The following TUBD1 variants were observed in gnomAD, a reference collection of about 807,000 sequenced individuals.
TUBD1 encodes tubulin delta chain.
TUBD1 carries 38 observed loss-of-function variants against 51.2 expected under a neutral mutation model. That is an observed-to-expected ratio of 0.74 (90% CI 0.57 to 0.97). The LOEUF (loss-of-function observed/expected upper bound fraction) is 0.97. Ranked by LOEUF, TUBD1 falls within the 50% of genes least tolerant of loss-of-function variation. TUBD1 has a pLI of 0.00. For synonymous variants in TUBD1, 169 were observed against 178.2 expected (o/e 0.95, Z 0.41); for missense variants, 489 against 538.4 (o/e 0.91, Z 0.91).
At chr17:59,876,625 G>A (rs1273729141) in intron 5 of TUBD1, among the ~76,000 whole-genome samples, 1 of 151,966 alleles carries the variant, frequency 6.6e-6, no homozygotes, top group African/African-American at 2.4e-5. Context: ...CCAAAGTGCT[G>A]GGATTACAGG....
intron 6 of TUBD1, among the ~76,000 whole-genome samples, chr17:59,869,230 C>A (rs1465238647): frequency 6.6e-6 from 1 of 151,678 alleles, no homozygotes; most frequent in African/African-American, 2.4e-5. Context: ...AATCCCAGAA[C>A]TTTGGGAGGC....
At chr17:59,885,210 C>G (rs983066582) in intron 3 of TUBD1, 1 of 454,728 alleles carries the variant, frequency 2.2e-6, no homozygotes, top group Middle Eastern at 3.5e-4. Context: ...CGAGCCTTAC[C>G]CGGATGATGA....
intron 5 of TUBD1, among the ~76,000 whole-genome samples, chr17:59,877,067 C>T (rs534903196): frequency 6.6e-6 from 1 of 151,762 alleles, no homozygotes; most frequent in South Asian, 2.1e-4. Flanking sequence ...ACCGTATTGG[C>T]CAGGCTGGTC....
chr17:59,888,139 G>A (rs1176755902), intron 2 of TUBD1, among the ~76,000 whole-genome samples: 1 of 152,068 alleles, frequency 6.6e-6, no homozygotes, highest in Non-Finnish European at 1.5e-5. Flanking sequence ...ATTTTACTGT[G>A]TTAGCCAGGA....
intron 7 of TUBD1, among the ~76,000 whole-genome samples, chr17:59,864,974 A>G (rs1203452653): frequency 6.6e-6 from 1 of 151,904 alleles, no homozygotes; most frequent in African/African-American, 2.4e-5. Flanking sequence ...CTCCTGCTTC[A>G]GTCTCCCTAG....
At position 59,867,935 on chromosome 17, in the gene TUBD1, T is replaced by C. The variant is rs2039782827; in HGVS notation, c.935-1186A>G. ...AGGGCTGACCTTAACCAAAAGGATGTTGCAGAAATAACATCACAAAAGGTC... is the reference window on the plus strand; with the variant it reads ...AGGGCTGACCTTAACCAAAAGGATGCTGCAGAAATAACATCACAAAAGGTC... On this transcript the variant is annotated intron_variant, in intron 6 of 8. Transcript: ENST00000325752. Among the ~76,000 whole-genome samples the C allele has an allele frequency of 2.0e-5, 3 of 151,656 alleles. No homozygotes were observed. The Admixed American group carries it at 2.0e-4, about 10-fold the overall frequency.
intron 2 of TUBD1, among the ~76,000 whole-genome samples, chr17:59,889,010 CTTTTTTTTTTTT>C (rs756097623): frequency 3.6e-5 from 2 of 55,778 alleles, no homozygotes; most frequent in Admixed American, 2.8e-4. Context: ...CCATGCCTGG[CTTTTTTTTTTTT>C]TTTTTTTTTT....
At chr17:59,882,002 T>C (rs1223710629) in intron 3 of TUBD1, among the ~76,000 whole-genome samples, 1 of 152,152 alleles carries the variant, frequency 6.6e-6, no homozygotes, top group Non-Finnish European at 1.5e-5. Flanking sequence ...AATAAATTAT[T>C]GTTAACTATA....
At chr17:59,883,658 T>C (rs984794890) in intron 3 of TUBD1, among the ~76,000 whole-genome samples, 7 of 152,128 alleles carry the variant, frequency 4.6e-5, no homozygotes, top group Admixed American at 1.3e-4. Context: ...CACCTTGGCC[T>C]CCCAAAGTGT....
intron 4 of TUBD1, 112 bp from the exon 5 acceptor site, chr17:59,878,446 C>T (rs1384007643): frequency 4.2e-6 from 3 of 711,774 alleles, no homozygotes; most frequent in Admixed American, 2.8e-5. Context: ...ACTTTCTAGC[C>T]GTATGACCTT....
intron 2 of TUBD1, among the ~76,000 whole-genome samples, chr17:59,887,916 A>G (rs2144575508): frequency 6.7e-6 from 1 of 149,638 alleles, no homozygotes; most frequent in Non-Finnish European, 1.5e-5. Context: ...ACAGTGAGAC[A>G]CTGTGCCCAG....
chr17:59,877,525 TAATC>T (rs753924643), intron 5 of TUBD1, among the ~76,000 whole-genome samples: 2 of 152,180 alleles, frequency 1.3e-5, no homozygotes, highest in Non-Finnish European at 2.9e-5. Flanking sequence ...CTCACGCCTG[TAATC>T]CCAACACTTT....
intron 4 of TUBD1, among the ~76,000 whole-genome samples, chr17:59,878,981 T>C (rs114642019): frequency 1.3e-3 from 201 of 152,244 alleles, no homozygotes; most frequent in African/African-American, 4.6e-3. Context: ...TTGGCTTATA[T>C]AGAAATTTTC....
At chr17:59,877,596 C>T (rs2040283103) in intron 5 of TUBD1, among the ~76,000 whole-genome samples, 2 of 152,040 alleles carry the variant, frequency 1.3e-5, no homozygotes, top group Admixed American at 6.6e-5. Flanking sequence ...GGTGAAACTC[C>T]GTCTCTACTA....
At chr17:59,873,730 T>C (rs1320695896) in intron 6 of TUBD1, among the ~76,000 whole-genome samples, 2 of 151,936 alleles carry the variant, frequency 1.3e-5, no homozygotes, top group East Asian at 1.9e-4. Flanking sequence ...CCAGGCATGG[T>C]AGCACACGCC....
intron 2 of TUBD1, among the ~76,000 whole-genome samples, chr17:59,890,373 A>G (rs1475905243): frequency 6.6e-6 from 1 of 152,122 alleles, no homozygotes; most frequent in Non-Finnish European, 1.5e-5. Flanking sequence ...CCTCCCGAGT[A>G]GCTGGGATTA....
At chr17:59,862,884 C>A (rs1369151543) in intron 8 of TUBD1, among the ~76,000 whole-genome samples, 1 of 151,764 alleles carries the variant, frequency 6.6e-6, no homozygotes, top group Non-Finnish European at 1.5e-5. Flanking sequence ...GCTACCACGC[C>A]CGGCTAATTT....
rs142719530 is a variant in TUBD1 at position 59,885,359 on chromosome 17, C to T, written c.320+724G>A. 3.7e-3 allele frequency: 2,754 copies of T among 743,696 alleles called. 8 individuals carry two copies. The highest frequency in any genetic ancestry group is 0.013 in the Middle Eastern group (45 of 3,406). The allele number at this position is 743,696 out of a possible 1,614,324, so 46.1% of individuals were successfully genotyped here. ...ATGTATACCAGGAATATGTCCCCCA[C>T]ACCTGTTTCTTGGAATGTCATGTGT... On this transcript the variant is annotated intron_variant, in intron 3 of 8. Transcript: ENST00000325752.
intron 1 of TUBD1, 78 bp from the exon 2 acceptor site, chr17:59,891,119 T>G (rs2040983670): frequency 1.3e-6 from 1 of 781,422 alleles, no homozygotes; most frequent in Admixed American, 2.9e-5. Context: ...ATGTTAATTA[T>G]ACATCAATAA....
Sources: allele counts gnomAD v4.1 joint callset (sites outside exome capture counted in the v4.1 genomes callset), GRCh38; gene constraint gnomAD v4.1.1; transcripts MANE v1.5; gene names NCBI Gene and HGNC (gene_info 2026-07-23, HGNC 2026-07-21).